The following SLC24A3 variants were observed in gnomAD, a reference collection of about 807,000 sequenced individuals.
SLC24A3 encodes solute carrier family 24 member 3.
A neutral mutation model predicts 75.8 loss-of-function variants in SLC24A3; 28 were observed. The observed-to-expected ratio is 0.37, with a 90% confidence interval of 0.27 to 0.51. The LOEUF is 0.51. Among genes scored for constraint, SLC24A3 ranks in the 20% least tolerant of loss-of-function variants. The pLI, the probability that SLC24A3 is intolerant of heterozygous loss-of-function variation, is 0.94. For missense variants in SLC24A3, 663 were observed against 847.8 expected (o/e 0.78, Z 2.71); for synonymous variants, 372 against 334.1 (o/e 1.11, Z -1.24).
At chr20:19,515,152 G>A (rs1023122395) in intron 2 of SLC24A3, among the ~76,000 whole-genome samples, 2 of 152,310 alleles carry the variant, frequency 1.3e-5, no homozygotes, top group Non-Finnish European at 1.5e-5. Flanking sequence ...AGTAGTTCAC[G>A]TGCTTCCTCA....
At chr20:19,664,975 T>G (rs147594865) in intron 7 of SLC24A3, among the ~76,000 whole-genome samples, 11 of 152,366 alleles carry the variant, frequency 7.2e-5, no homozygotes, top group African/African-American at 2.6e-4. Context: ...ATGTTCTCTG[T>G]GACTCAGTTT....
intron 6 of SLC24A3, among the ~76,000 whole-genome samples, chr20:19,611,731 C>T (rs2031673020): frequency 6.6e-6 from 1 of 152,204 alleles, no homozygotes; most frequent in South Asian, 2.1e-4. Flanking sequence ...CAATACAGTA[C>T]TCCTTGAAGG....
chr20:19,534,125 T>C (rs2030353118), intron 3 of SLC24A3, among the ~76,000 whole-genome samples: 2 of 152,262 alleles, frequency 1.3e-5, no homozygotes, highest in Non-Finnish European at 2.9e-5. Flanking sequence ...AACAGCTACA[T>C]AAATAGCAAA....
intron 3 of SLC24A3, among the ~76,000 whole-genome samples, chr20:19,538,751 C>A (rs984522083): frequency 1.5e-4 from 23 of 152,280 alleles, no homozygotes; most frequent in African/African-American, 5.5e-4. Context: ...GCTCCCTGAT[C>A]CAACACCACT....
At chr20:19,430,523 A>C (rs769008430) in intron 2 of SLC24A3, among the ~76,000 whole-genome samples, 13 of 152,182 alleles carry the variant, frequency 8.5e-5, no homozygotes, top group Middle Eastern at 3.2e-3. Context: ...TTTATGTGGA[A>C]TTTAAAAACA....
intron 3 of SLC24A3, among the ~76,000 whole-genome samples, chr20:19,561,879 T>C (rs1409616481): frequency 6.6e-6 from 1 of 152,174 alleles, no homozygotes; most frequent in Non-Finnish European, 1.5e-5. Flanking sequence ...TCCTGGTTTG[T>C]AACCACAGTA....
At chr20:19,614,504 G>GT (rs1320875735) in intron 6 of SLC24A3, among the ~76,000 whole-genome samples, 1 of 152,196 alleles carries the variant, frequency 6.6e-6, no homozygotes, top group Non-Finnish European at 1.5e-5. Flanking sequence ...CCAGATATTA[G>GT]TTTTTACCAC....
At chr20:19,398,776 A>G (rs550393928) in intron 2 of SLC24A3, among the ~76,000 whole-genome samples, 48 of 152,290 alleles carry the variant, frequency 3.2e-4, no homozygotes, top group African/African-American at 1.1e-3. Flanking sequence ...AATGCATTTA[A>G]TCTTTCACTA....
At chr20:19,671,530 G>A (rs2032467060) in intron 8 of SLC24A3, among the ~76,000 whole-genome samples, 1 of 152,170 alleles carries the variant, frequency 6.6e-6, no homozygotes, top group African/African-American at 2.4e-5. Flanking sequence ...AGAGTCCGAT[G>A]GATATGGGAG....
rs181686069 is a variant in SLC24A3, at chr20:19,711,421, C to T, written c.1720-6107C>T. Among the ~76,000 whole-genome samples the T allele has an allele frequency of 3.1e-3, 469 of 152,316 alleles. 4 individuals are homozygous for T. The highest frequency in any genetic ancestry group is 0.01 in the African/African-American group (420 of 41,578). On this transcript the variant is annotated intron_variant, in intron 15 of 16. Coordinates refer to ENST00000328041, the MANE Select transcript of SLC24A3 (RefSeq NM_020689.4). ...ATGCAAACACACAGGCAAATGCACA[C>T]ACACATGCAAACACATGCAGGCAAA...
At chr20:19,288,681 A>C (rs2122232874) in intron 2 of SLC24A3, among the ~76,000 whole-genome samples, 1 of 152,352 alleles carries the variant, frequency 6.6e-6, no homozygotes, top group Non-Finnish European at 1.5e-5. Context: ...TCTGAGAGCA[A>C]AGCAAGTCGA....
intron 1 of SLC24A3, among the ~76,000 whole-genome samples, chr20:19,276,773 C>T (rs1265628362): frequency 6.6e-6 from 1 of 152,036 alleles, no homozygotes; most frequent in African/African-American, 2.4e-5. Context: ...GATGTGGTGG[C>T]ATGCACCTGC....
intron 12 of SLC24A3, 41 bp from the exon 13 acceptor site, chr20:19,693,218 A>AT (rs11481303): frequency 0.22 from 316,050 of 1,448,608 alleles, 20,524 homozygotes; most frequent in Non-Finnish European, 0.23. Flanking sequence ...GTTCTTTGTT[A>AT]TTTTTTTTTT....
intron 6 of SLC24A3, among the ~76,000 whole-genome samples, chr20:19,643,969 A>G (rs2032104403): frequency 6.6e-6 from 1 of 152,288 alleles, no homozygotes; most frequent in African/African-American, 2.4e-5. Context: ...TCTGGTTTGG[A>G]CTTCTTTATA....
At chr20:19,530,887 C>T (rs1251092967) in intron 3 of SLC24A3, among the ~76,000 whole-genome samples, 1 of 152,186 alleles carries the variant, frequency 6.6e-6, no homozygotes, top group African/African-American at 2.4e-5. Flanking sequence ...GGTATGGCTC[C>T]ATGCCCTGGG....
chr20:19,332,713 C>G (rs1385243425), intron 2 of SLC24A3, among the ~76,000 whole-genome samples: 2 of 152,086 alleles, frequency 1.3e-5, no homozygotes, highest in South Asian at 4.1e-4. Context: ...TTGGGGGTTC[C>G]CAGCGCTCCC....
chr20:19,436,357 C>T (rs1456418106), intron 2 of SLC24A3, among the ~76,000 whole-genome samples: 1 of 152,180 alleles, frequency 6.6e-6, no homozygotes, highest in Non-Finnish European at 1.5e-5. Context: ...GCATGACGCT[C>T]AGATTTATGT....
At position 19,721,420 on chromosome 20, in the gene SLC24A3, T is replaced by G. The variant is rs1384735562; in HGVS notation, c.*280T>G. 5.5e-6 allele frequency: 2 copies of G among 362,036 alleles called. No homozygotes were observed. Among genetic ancestry groups the G allele is most frequent in the East Asian group, 4.9e-5 (1 of 20,364 alleles). The allele number at this position is 362,036 out of a possible 1,614,324, so 22.4% of individuals were successfully genotyped here. On this transcript the variant is annotated 3_prime_UTR_variant, in exon 17 of 17. Coordinates refer to ENST00000328041, the MANE Select transcript of SLC24A3 (RefSeq NM_020689.4). Reference sequence around the variant, plus strand: ...CTCCATTTTTGAACAGTGACTGAGATTCTAGAAAAACTGGCTGCTAACTGG... The same window carrying G: ...CTCCATTTTTGAACAGTGACTGAGAGTCTAGAAAAACTGGCTGCTAACTGG...
chr20:19,336,041 T>G (rs1009384408), intron 2 of SLC24A3, among the ~76,000 whole-genome samples: 1 of 152,216 alleles, frequency 6.6e-6, no homozygotes, highest in African/African-American at 2.4e-5. Context: ...AAGAAATAAT[T>G]AGTCATTTCT....
Sources: allele counts gnomAD v4.1 joint callset (sites outside exome capture counted in the v4.1 genomes callset), GRCh38; gene constraint gnomAD v4.1.1; transcripts MANE v1.5; gene names NCBI Gene and HGNC (gene_info 2026-07-23, HGNC 2026-07-21).